PTPRD: variants seen among roughly 807,000 people sequenced by gnomAD.
PTPRD encodes the protein protein tyrosine phosphatase receptor type D.
A neutral mutation model predicts 214.5 loss-of-function variants in PTPRD; 34 were observed. The ratio of observed to expected loss-of-function variants is 0.16; its 90% confidence interval spans 0.12 to 0.21. PTPRD has a LOEUF of 0.21. Among genes scored for constraint, PTPRD ranks in the 10% least tolerant of loss-of-function variants. The probability of loss-of-function intolerance (pLI) is 1.00; values close to 1 mark genes in which losing one functional copy is unlikely to be tolerated. For synonymous variants in PTPRD, 1,128 were observed against 845.7 expected, an observed-to-expected ratio of 1.33 and a Z score of -5.79; for missense variants, 2,545 against 2,398.7, an observed-to-expected ratio of 1.06 and a Z score of -1.27.
chr9:9,703,649 CT>C (rs2097543080), intron 7 of PTPRD, among the ~76,000 whole-genome samples: 1 of 152,068 alleles, frequency 6.6e-6, no homozygotes, highest in Non-Finnish European at 1.5e-5. Context: ...ATTTTGCTAT[CT>C]GTTGATTTGT....
intron 7 of PTPRD, among the ~76,000 whole-genome samples, chr9:9,608,370 T>G (rs2094314731): frequency 6.6e-6 from 1 of 152,200 alleles, no homozygotes; most frequent in African/African-American, 2.4e-5. Context: ...TTGTTAAACC[T>G]TTTAATACTG....
intron 2 of PTPRD, among the ~76,000 whole-genome samples, chr9:10,508,642 G>T (rs1479800528): frequency 6.6e-6 from 1 of 152,154 alleles, no homozygotes; most frequent in Non-Finnish European, 1.5e-5. Context: ...GATGTCCTTT[G>T]TAGGGACATG....
intron 10 of PTPRD, among the ~76,000 whole-genome samples, chr9:9,122,164 T>A (rs1288899137): frequency 1.3e-5 from 2 of 152,148 alleles, no homozygotes; most frequent in Non-Finnish European, 2.9e-5. Flanking sequence ...TTTCCTGAGA[T>A]CTTACAGTGA....
chr9:9,584,983 C>T (rs967266860), intron 7 of PTPRD, among the ~76,000 whole-genome samples: 2 of 151,976 alleles, frequency 1.3e-5, no homozygotes, highest in Non-Finnish European at 2.9e-5. Flanking sequence ...TACCATGTTC[C>T]TTTTAAAGTC....
At chr9:8,782,693 G>C (rs542444024) in intron 11 of PTPRD, among the ~76,000 whole-genome samples, 1 of 150,734 alleles carries the variant, frequency 6.6e-6, no homozygotes, top group South Asian at 2.1e-4. Context: ...CACCTCCCGA[G>C]TTCAAGCAAT....
intron 11 of PTPRD, among the ~76,000 whole-genome samples, chr9:8,831,284 T>G (rs1313099390): frequency 6.6e-6 from 1 of 152,186 alleles, no homozygotes; most frequent in African/African-American, 2.4e-5. Flanking sequence ...GTCTACCTCT[T>G]GAATCCTAGG....
At chr9:9,128,320 C>T (rs1244390776) in intron 10 of PTPRD, among the ~76,000 whole-genome samples, 1 of 152,114 alleles carries the variant, frequency 6.6e-6, no homozygotes, top group African/African-American at 2.4e-5. Context: ...CATACATTTG[C>T]GCACAGAAAC....
intron 14 of PTPRD, among the ~76,000 whole-genome samples, chr9:8,587,432 CAAAAG>C (rs1411199434): frequency 6.6e-6 from 1 of 152,078 alleles, no homozygotes; most frequent in Non-Finnish European, 1.5e-5. Flanking sequence ...CCTAATACTT[CAAAAG>C]AAAAGAATAA....
chr9:9,752,424 G>A (rs2098529480), intron 6 of PTPRD, among the ~76,000 whole-genome samples: 1 of 151,984 alleles, frequency 6.6e-6, no homozygotes. Context: ...AGGTTATAAT[G>A]AACTCAAGGT....
chr9:8,612,889 G>C (rs1043514193), intron 14 of PTPRD, among the ~76,000 whole-genome samples: 2 of 152,118 alleles, frequency 1.3e-5, no homozygotes, highest in Admixed American at 6.5e-5. Context: ...TAATCGATTA[G>C]TTTAAATCAT....
At chr9:10,085,734 C>T (rs7035849) in intron 3 of PTPRD, among the ~76,000 whole-genome samples, 1 of 151,882 alleles carries the variant, frequency 6.6e-6, no homozygotes, top group East Asian at 2.0e-4. Context: ...TGGCTATTTG[C>T]TTAGCAACAA....
intron 9 of PTPRD, among the ~76,000 whole-genome samples, chr9:9,337,584 A>G (rs1461510544): frequency 2.6e-5 from 4 of 152,116 alleles, no homozygotes; most frequent in Non-Finnish European, 4.4e-5. Context: ...CTTAATATGA[A>G]TCTACCTTTA....
intron 10 of PTPRD, among the ~76,000 whole-genome samples, chr9:9,123,317 A>G (rs557249653): frequency 1.7e-3 from 263 of 152,284 alleles, no homozygotes; most frequent in African/African-American, 5.9e-3. Context: ...TGCTAGCACC[A>G]TTTCCCCTTC....
intron 3 of PTPRD, among the ~76,000 whole-genome samples, chr9:10,055,022 C>A (rs756157390): frequency 6.6e-6 from 1 of 152,004 alleles, no homozygotes; most frequent in Admixed American, 6.6e-5. Context: ...TGTTTTCTCT[C>A]TTTCCCTCTC....
At chr9:9,360,720 T>G (rs141069046) in intron 9 of PTPRD, among the ~76,000 whole-genome samples, 1 of 151,336 alleles carries the variant, frequency 6.6e-6, no homozygotes, top group African/African-American at 2.4e-5. Context: ...TTGTATTATA[T>G]TTTCTATAAA....
At chr9:8,547,900 T>C (rs1467334051) in intron 14 of PTPRD, among the ~76,000 whole-genome samples, 2 of 152,204 alleles carry the variant, frequency 1.3e-5, no homozygotes, top group South Asian at 2.1e-4. Context: ...TTAACAAATA[T>C]TTATTGAACA....
intron 9 of PTPRD, among the ~76,000 whole-genome samples, chr9:9,283,185 A>G (rs779130987): frequency 6.6e-6 from 1 of 151,484 alleles, no homozygotes; most frequent in Non-Finnish European, 1.5e-5. Context: ...GGCTTGATCT[A>G]TGCTTTCTAT....
At chr9:8,454,689 A>G in intron 33 of PTPRD, 1 of 1,372,178 alleles carries the variant, frequency 7.3e-7, no homozygotes, top group South Asian at 1.2e-5. Context: ...GATTTAAGAA[A>G]TAGTGTTCAC....
chr9:8,935,448 T>A (rs1329719482), intron 11 of PTPRD, among the ~76,000 whole-genome samples: 1 of 152,184 alleles, frequency 6.6e-6, no homozygotes, highest in Non-Finnish European at 1.5e-5. Context: ...GGTGCCTACC[T>A]TTAAAGTAAG....
Sources: allele counts gnomAD v4.1 joint callset (sites outside exome capture counted in the v4.1 genomes callset), GRCh38; gene constraint gnomAD v4.1.1; transcripts MANE v1.5; gene names NCBI Gene and HGNC (gene_info 2026-07-23, HGNC 2026-07-21).